Variants in SPTBN4 observed in about 807,000 individuals in gnomAD.
SPTBN4 encodes spectrin beta chain, non-erythrocytic 4.
Under a neutral mutation model 277.8 loss-of-function variants are expected in SPTBN4, and 96 were observed. That is an observed-to-expected ratio of 0.35 (90% CI 0.29 to 0.41). The LOEUF (loss-of-function observed/expected upper bound fraction) is 0.41, where lower values mean the gene tolerates loss of function less well. Ranked by LOEUF, SPTBN4 falls within the 10% of genes least tolerant of loss-of-function variation. The pLI, the probability that SPTBN4 is intolerant of heterozygous loss-of-function variation, is 1.00. For missense variants in SPTBN4, 3,006 were observed against 3,595.7 expected (o/e 0.84, Z 4.19); for synonymous variants, 1,481 against 1,580.3 (o/e 0.94, Z 1.49).
chr19:40,561,095 C>A (rs1599812477), intron 27 of SPTBN4, among the ~76,000 whole-genome samples: 2 of 152,128 alleles, frequency 1.3e-5, no homozygotes, highest in Non-Finnish European at 2.9e-5. Flanking sequence ...CTCACTGCAA[C>A]CTCCGTCTCC....
intron 7 of SPTBN4, among the ~76,000 whole-genome samples, chr19:40,500,968 T>C (rs1290924557): frequency 2.6e-5 from 4 of 152,188 alleles, no homozygotes; most frequent in Non-Finnish European, 5.9e-5. Context: ...TAAGTGAATA[T>C]GTAATTACAA....
chr19:40,484,849 G>T (rs934294483), intron 2 of SPTBN4, among the ~76,000 whole-genome samples: 1 of 151,912 alleles, frequency 6.6e-6, no homozygotes, highest in East Asian at 1.9e-4. Flanking sequence ...GAAGAATGGC[G>T]TGAACCCGGG....
intron 19 of SPTBN4, 98 bp downstream of exon 19, chr19:40,532,869 TCTTACAC>T (rs2080694255): frequency 7.0e-7 from 1 of 1,431,806 alleles, no homozygotes; most frequent in Admixed American, 2.5e-5. Context: ...ATCCTGCTGG[TCTTACAC>T]CTCTGGACTG....
chr19:40,573,357 G>A (rs146573143), intron 35 of SPTBN4, among the ~76,000 whole-genome samples: 41 of 152,298 alleles, frequency 2.7e-4, no homozygotes, highest in Non-Finnish European at 4.4e-4. Flanking sequence ...AACTGCAAGT[G>A]CAGAGGACCA....
chr19:40,472,547 C>A, intron 1 of SPTBN4, 60 bp from the exon 2 acceptor site: 1 of 1,452,878 alleles, frequency 6.9e-7, no homozygotes, highest in African/African-American at 1.4e-5. Flanking sequence ...GGACTCAAAG[C>A]CAGTCACTGT....
At chr19:40,538,072 A>G (rs1036258073) in intron 20 of SPTBN4, among the ~76,000 whole-genome samples, 1 of 152,194 alleles carries the variant, frequency 6.6e-6, no homozygotes, top group Non-Finnish European at 1.5e-5. Context: ...GTTGCCAGAC[A>G]GGAGCTGGCA....
chr19:40,471,258 G>A (rs2079881722), intron 1 of SPTBN4, among the ~76,000 whole-genome samples: 1 of 152,124 alleles, frequency 6.6e-6, no homozygotes. Context: ...TATCATCTAT[G>A]TTTGAATCCT....
At chr19:40,505,114 G>A (rs2080310397) in intron 12 of SPTBN4, among the ~76,000 whole-genome samples, 1 of 151,376 alleles carries the variant, frequency 6.6e-6, no homozygotes, top group Admixed American at 6.6e-5. Flanking sequence ...GCTGGGCATG[G>A]TGGCTCTCAC....
chr19:40,553,345 G>A (rs1232953117), intron 22 of SPTBN4, among the ~76,000 whole-genome samples: 1 of 152,108 alleles, frequency 6.6e-6, no homozygotes, highest in Non-Finnish European at 1.5e-5. Context: ...AGCAGGGCAT[G>A]GTGGTGCACA....
chr19:40,507,764 G>A (rs1370885602), intron 13 of SPTBN4, among the ~76,000 whole-genome samples: 3 of 152,116 alleles, frequency 2.0e-5, no homozygotes, highest in African/African-American at 7.2e-5. Flanking sequence ...GAACCCAGGA[G>A]GCAGAGGTTG....
In SPTBN4 at chr19:40,512,972, C is replaced by T; in HGVS notation, c.2183C>T (p.Ala728Val). The change falls in exon 14 of 36, where the codon GCC becomes GTC. Residue 728 changes from alanine (A) to valine (V), a missense_variant. Ala to Val is a moderately conservative substitution (Grantham distance 64, BLOSUM62 0). Transcript: ENST00000598249. ...ALRCGEELVA[A>V]GGAVGPGADT... ...CGGTGTGGCGAGGAGCTGGTTGCGGCCGGCGGTGCCGTCGGCCCGGGAGCA... is the reference window on the plus strand; with the variant it reads ...CGGTGTGGCGAGGAGCTGGTTGCGGTCGGCGGTGCCGTCGGCCCGGGAGCA... 1 of 1,411,258 alleles carries T rather than the reference C, an allele frequency of 7.1e-7. No homozygotes were observed. The highest frequency in any genetic ancestry group is 9.2e-7 in the Non-Finnish European group (1 of 1,092,716). The allele number at this position is 1,411,258 out of a possible 1,614,324, so 87.4% of individuals were successfully genotyped here.
chr19:40,503,749 G>T, intron 11 of SPTBN4, 81 bp from the exon 12 acceptor site: 1 of 1,431,186 alleles, frequency 7.0e-7, no homozygotes, highest in Non-Finnish European at 9.4e-7. Context: ...ATGGAGTGGG[G>T]AGTCCCCAGG....
chr19:40,480,199 G>A (rs997910633), intron 2 of SPTBN4, among the ~76,000 whole-genome samples: 3 of 150,798 alleles, frequency 2.0e-5, no homozygotes, highest in South Asian at 2.1e-4. Flanking sequence ...TGCAATGAGC[G>A]GAGATCAAGC....
chr19:40,518,100 G>A (rs2080481213), intron 15 of SPTBN4, among the ~76,000 whole-genome samples: 2 of 152,214 alleles, frequency 1.3e-5, no homozygotes, highest in Admixed American at 6.5e-5. Context: ...GAGGTCAGGA[G>A]TTTGAGACCA....
At chr19:40,517,630 C>A (rs1408191768) in intron 15 of SPTBN4, among the ~76,000 whole-genome samples, 1 of 152,128 alleles carries the variant, frequency 6.6e-6, no homozygotes, top group Non-Finnish European at 1.5e-5. Flanking sequence ...CTGCAAGATT[C>A]CAATATCCAG....
At chr19:40,501,294 C>T (rs182817362) in intron 7 of SPTBN4, among the ~76,000 whole-genome samples, 41 of 151,142 alleles carry the variant, frequency 2.7e-4, no homozygotes, top group Middle Eastern at 3.5e-3. Context: ...GAATTAGGAA[C>T]ACAGAAGAGG....
At chr19:40,503,070 G>T (rs1392250013) in intron 11 of SPTBN4, 137 bp downstream of exon 11, 1 of 1,155,354 alleles carries the variant, frequency 8.7e-7, no homozygotes, top group Non-Finnish European at 1.2e-6. Context: ...ATGAGGATGG[G>T]GATGGGAGAC....
In SPTBN4 at chr19:40,575,591, C is replaced by T. The variant is rs1370905012; in HGVS notation, c.*22C>T. 6.3e-7 allele frequency: 1 copy of T among 1,597,116 alleles called. No homozygotes were observed. Among genetic ancestry groups the T allele is most frequent in the Non-Finnish European group, 8.5e-7 (1 of 1,172,020 alleles). Reference sequence around the variant, plus strand: ...GTGACTTCCCACCCCCAGGACCTGACACATCTCGTCTCCCCTCTTTTCCGC... The same window carrying T: ...GTGACTTCCCACCCCCAGGACCTGATACATCTCGTCTCCCCTCTTTTCCGC... On this transcript the variant is annotated 3_prime_UTR_variant, in exon 36 of 36. Transcript: ENST00000598249.
At chr19:40,509,804 C>A (rs1167729758) in intron 13 of SPTBN4, among the ~76,000 whole-genome samples, 1 of 152,154 alleles carries the variant, frequency 6.6e-6, no homozygotes, top group Non-Finnish European at 1.5e-5. Flanking sequence ...GGAAGTTTCT[C>A]ACCCTAGCCG....
Sources: gnomAD v4.1 joint callset for allele counts (sites outside exome capture counted in the v4.1 genomes callset) on GRCh38, gnomAD v4.1.1 for gene constraint, MANE v1.5 for transcripts, NCBI Gene and HGNC (gene_info 2026-07-23, HGNC 2026-07-21) for gene names.